RUNX1T1: variants seen among roughly 807,000 people sequenced by gnomAD.
The protein encoded by RUNX1T1 is RUNX1 partner transcriptional co-repressor 1, also known as protein CBFA2T1.
RUNX1T1 carries 4 observed loss-of-function variants against 62.8 expected under a neutral mutation model. The ratio of observed to expected loss-of-function variants is 0.06; its 90% CI spans 0.03 to 0.15. The LOEUF is 0.15. RUNX1T1 is among the 10% of genes least tolerant of loss of function. The probability of loss-of-function intolerance (pLI) is 1.00; values close to 1 mark genes in which losing one functional copy is unlikely to be tolerated. For synonymous variants in RUNX1T1, 291 were observed against 286.0 expected, an observed-to-expected ratio of 1.02 and a Z score of -0.18; for missense variants, 508 against 754.3, an observed-to-expected ratio of 0.67 and a Z score of 3.82.
intron 1 of RUNX1T1, among the ~76,000 whole-genome samples, chr8:92,062,349 C>G (rs994855247): frequency 1.3e-5 from 2 of 152,234 alleles, no homozygotes; most frequent in Admixed American, 6.5e-5. Context: ...GGGCTCCACA[C>G]CCTGTACCCC....
chr8:92,092,667 T>C (rs1305245137), intron 1 of RUNX1T1, among the ~76,000 whole-genome samples: 1 of 152,126 alleles, frequency 6.6e-6, no homozygotes, highest in Non-Finnish European at 1.5e-5. Context: ...TTTAAACAGG[T>C]TATTTTAAAA....
At chr8:92,015,476 C>T (rs1246791745) in intron 2 of RUNX1T1, among the ~76,000 whole-genome samples, 3 of 152,150 alleles carry the variant, frequency 2.0e-5, no homozygotes, top group Admixed American at 6.5e-5. Flanking sequence ...CACCTAAATC[C>T]AGCCAAGAGC....
chr8:92,071,597 C>G (rs1833680018), intron 2 of RUNX1T1, among the ~76,000 whole-genome samples: 1 of 152,086 alleles, frequency 6.6e-6, no homozygotes, highest in African/African-American at 2.4e-5. Context: ...ACCAAACCCT[C>G]TTCCACACAA....
At chr8:92,098,212 A>G (rs1837876543) in intron 1 of RUNX1T1, among the ~76,000 whole-genome samples, 1 of 152,186 alleles carries the variant, frequency 6.6e-6, no homozygotes, top group South Asian at 2.1e-4. Flanking sequence ...TCAGCTTGTC[A>G]TTATTTCATT....
At chr8:92,024,496 T>TAAAAA (rs1824753114) in intron 1 of RUNX1T1, among the ~76,000 whole-genome samples, 1 of 16,344 alleles carries the variant, frequency 6.1e-5, no homozygotes, top group African/African-American at 3.9e-4. Flanking sequence ...AAACCCCAAC[T>TAAAAA]CAAAAAAAAA....
At chr8:92,081,758 T>C (rs1186754019) in intron 1 of RUNX1T1, among the ~76,000 whole-genome samples, 1 of 152,200 alleles carries the variant, frequency 6.6e-6, no homozygotes, top group Non-Finnish European at 1.5e-5. Flanking sequence ...AACTGTCCAG[T>C]TGCCAGCATG....
intron 6 of RUNX1T1, among the ~76,000 whole-genome samples, chr8:91,990,736 T>C (rs1046098553): frequency 6.6e-6 from 1 of 151,854 alleles, no homozygotes; most frequent in Non-Finnish European, 1.5e-5. Context: ...CATCTAACTG[T>C]AACCTCTGCT....
chr8:91,982,156 G>A (rs1209795759), intron 8 of RUNX1T1, among the ~76,000 whole-genome samples: 1 of 150,808 alleles, frequency 6.6e-6, no homozygotes, highest in Non-Finnish European at 1.5e-5. Flanking sequence ...GCTGAGGTGG[G>A]AGCCCAGAAG....
intron 2 of RUNX1T1, chr8:92,071,203 C>G (rs1833620696): frequency 6.6e-6 from 1 of 152,180 alleles, no homozygotes; most frequent in Admixed American, 6.5e-5. Context: ...AAAAAACATT[C>G]AAGTGCAAAA....
chr8:91,971,038 C>T, intron 9 of RUNX1T1, 190 bp from the exon 11 acceptor site: 1 of 438,850 alleles, frequency 2.3e-6, no homozygotes, highest in South Asian at 6.5e-5. Context: ...GCCACCATGC[C>T]CACTATCTGA....
chr8:92,096,348 C>A (rs958833466), intron 1 of RUNX1T1, among the ~76,000 whole-genome samples: 8 of 152,182 alleles, frequency 5.3e-5, no homozygotes, highest in African/African-American at 1.7e-4. Flanking sequence ...TGCCTCATGG[C>A]TCTTCACCCA....
At chr8:92,016,075 CT>C (rs1415724172) in intron 2 of RUNX1T1, among the ~76,000 whole-genome samples, 4 of 152,280 alleles carry the variant, frequency 2.6e-5, no homozygotes, top group South Asian at 4.1e-4. Flanking sequence ...CTACTTTTGC[CT>C]TTTAGTTATT....
chr8:91,988,313 T>C (rs1306467732), intron 6 of RUNX1T1, among the ~76,000 whole-genome samples: 1 of 152,062 alleles, frequency 6.6e-6, no homozygotes, highest in Non-Finnish European at 1.5e-5. Context: ...TAGAACATAT[T>C]CTGAGATATA....
At chr8:92,091,126 G>A (rs781117751) in intron 1 of RUNX1T1, among the ~76,000 whole-genome samples, 1 of 152,124 alleles carries the variant, frequency 6.6e-6, no homozygotes, top group Admixed American at 6.5e-5. Flanking sequence ...GATTGCTGGA[G>A]ACACAACGGG....
intron 1 of RUNX1T1, among the ~76,000 whole-genome samples, chr8:92,051,602 ACTCTCTCT>A (rs34298111): frequency 7.1e-6 from 1 of 140,838 alleles, no homozygotes; most frequent in Admixed American, 7.1e-5. Context: ...ACACACACAC[ACTCTCTCT>A]CTCTCTCTCT....
exon 6 of RUNX1T1, chr8:91,991,758 T>C: frequency 6.2e-7 from 1 of 1,613,844 alleles, no homozygotes; most frequent in Non-Finnish European, 8.5e-7. Flanking sequence ...TGGGGTAGGG[T>C]GAGGCAGGCC....
downstream of RUNX1T1, chr8:91,957,045 GAA>G (rs1205552770): frequency 1.4e-5 from 3 of 216,570 alleles, no homozygotes; most frequent in African/African-American, 6.8e-5. Flanking sequence ...GAGAAAAAGA[GAA>G]AGAGAAAAGA....
At chr8:92,077,459 G>C (rs577253945) in intron 1 of RUNX1T1, among the ~76,000 whole-genome samples, 1 of 151,972 alleles carries the variant, frequency 6.6e-6, no homozygotes, top group Admixed American at 6.6e-5. Context: ...TGCACACAGC[G>C]GGGAAGACTG....
intron 1 of RUNX1T1, among the ~76,000 whole-genome samples, chr8:92,053,180 G>T (rs924341124): frequency 1.3e-5 from 2 of 151,798 alleles, no homozygotes; most frequent in African/African-American, 4.8e-5. Context: ...AATTATTCTA[G>T]CAATCGCTCT....
Sources: gnomAD v4.1 joint callset for allele counts (sites outside exome capture counted in the v4.1 genomes callset) on GRCh38, gnomAD v4.1.1 for gene constraint, MANE v1.5 for transcripts, NCBI Gene and HGNC (gene_info 2026-07-23, HGNC 2026-07-21) for gene names.